TBC1D4: variants seen among roughly 807,000 people sequenced by gnomAD.
TBC1D4 encodes the protein TBC1 domain family member 4.
In TBC1D4, 121 loss-of-function variants were observed where a neutral mutation model predicts 142.5. That is an observed-to-expected ratio of 0.85 (90% CI 0.73 to 0.99). The LOEUF (loss-of-function observed/expected upper bound fraction) is 0.99, where lower values mean the gene tolerates loss of function less well. Among genes scored for constraint, TBC1D4 ranks in the 50% least tolerant of loss-of-function variants. The pLI is 0.00. For missense variants in TBC1D4, 1,475 were observed against 1,606.6 expected, an observed-to-expected ratio of 0.92 and a Z score of 1.40; for synonymous variants, 630 against 628.2, an observed-to-expected ratio of 1.00 and a Z score of -0.04.
chr13:75,470,769 T>C (rs1240071495), intron 1 of TBC1D4, among the ~76,000 whole-genome samples: 2 of 152,144 alleles, frequency 1.3e-5, no homozygotes, highest in Non-Finnish European at 2.9e-5. Context: ...GTGGATCACC[T>C]GAGGTCAGGA....
chr13:75,290,560 T>A (rs1045807048), intron 19 of TBC1D4, among the ~76,000 whole-genome samples: 1 of 152,058 alleles, frequency 6.6e-6, no homozygotes, highest in Non-Finnish European at 1.5e-5. Context: ...TTCTGAAAAA[T>A]TTATAAACAA....
chr13:75,346,995 C>T (rs910365733), intron 5 of TBC1D4, among the ~76,000 whole-genome samples: 1 of 152,124 alleles, frequency 6.6e-6, no homozygotes, highest in Non-Finnish European at 1.5e-5. Flanking sequence ...TTACAAGTAA[C>T]ACAACATTTT....
At chr13:75,336,821 G>GT (rs1402913237) in intron 8 of TBC1D4, 100 bp downstream of exon 8, 4 of 1,337,940 alleles carry the variant, frequency 3.0e-6, no homozygotes, top group East Asian at 2.4e-5. Flanking sequence ...TTTTTTGTTT[G>GT]TTTTTTGTTT....
chr13:75,369,917 A>G (rs1163095488), intron 1 of TBC1D4, among the ~76,000 whole-genome samples: 1 of 152,210 alleles, frequency 6.6e-6, no homozygotes, highest in Non-Finnish European at 1.5e-5. Flanking sequence ...GGAAGAAAAA[A>G]TTAACAAGAG....
intron 1 of TBC1D4, among the ~76,000 whole-genome samples, chr13:75,445,808 G>C (rs1221728864): frequency 6.6e-6 from 1 of 152,184 alleles, no homozygotes; most frequent in Non-Finnish European, 1.5e-5. Context: ...AATATTGCTG[G>C]AAAACACTTT....
chr13:75,361,733 T>A (rs1482496122), intron 2 of TBC1D4, among the ~76,000 whole-genome samples: 1 of 152,080 alleles, frequency 6.6e-6, no homozygotes, highest in Admixed American at 6.5e-5. Context: ...AAATGCTGGT[T>A]ATAGATTCTT....
At chr13:75,468,769 T>C (rs1220266086) in intron 1 of TBC1D4, among the ~76,000 whole-genome samples, 1 of 152,184 alleles carries the variant, frequency 6.6e-6, no homozygotes, top group Non-Finnish European at 1.5e-5. Flanking sequence ...TCTGCTCCTG[T>C]GGACTTAAAT....
At chr13:75,337,062 C>T (rs1170202145) in intron 7 of TBC1D4, 22 bp from the exon 8 acceptor site, 7 of 1,606,578 alleles carry the variant, frequency 4.4e-6, no homozygotes, top group East Asian at 2.2e-5. Context: ...AAAACAGATA[C>T]ATTTTAGTTT....
intron 1 of TBC1D4, among the ~76,000 whole-genome samples, chr13:75,435,940 C>A (rs1335665878): frequency 6.6e-6 from 1 of 152,086 alleles, no homozygotes; most frequent in South Asian, 2.1e-4. Context: ...AACAAACAGA[C>A]AAGAAAAGAA....
chr13:75,432,921 G>T (rs1200925790), intron 1 of TBC1D4, among the ~76,000 whole-genome samples: 1 of 145,696 alleles, frequency 6.9e-6, no homozygotes, highest in Non-Finnish European at 1.5e-5. Context: ...TAGCCTGGGC[G>T]ACAGACCGAG....
intron 1 of TBC1D4, among the ~76,000 whole-genome samples, chr13:75,384,427 T>C (rs1884053178): frequency 6.6e-6 from 1 of 152,092 alleles, no homozygotes; most frequent in Non-Finnish European, 1.5e-5. Context: ...CGAGACTCCA[T>C]CTCAAAAACC....
At chr13:75,389,126 A>T (rs1046754859) in intron 1 of TBC1D4, among the ~76,000 whole-genome samples, 4 of 152,222 alleles carry the variant, frequency 2.6e-5, no homozygotes, top group African/African-American at 9.6e-5. Context: ...CTGGGTTCAA[A>T]TTTTTTGCAT....
At chr13:75,356,669 C>G (rs913190303) in intron 3 of TBC1D4, among the ~76,000 whole-genome samples, 8 of 152,130 alleles carry the variant, frequency 5.3e-5, no homozygotes, top group African/African-American at 1.9e-4. Context: ...TGACAATACT[C>G]AAATTAACTG....
intron 1 of TBC1D4, among the ~76,000 whole-genome samples, chr13:75,445,657 G>T (rs1445276480): frequency 1.3e-5 from 2 of 152,060 alleles, no homozygotes; most frequent in Non-Finnish European, 2.9e-5. Flanking sequence ...TAAAAGGAAA[G>T]AAAAAAATTC....
chr13:75,320,111 C>T (rs1229184832), intron 11 of TBC1D4, 74 bp from the exon 12 acceptor site: 1 of 1,518,874 alleles, frequency 6.6e-7, no homozygotes, highest in African/African-American at 1.4e-5. Context: ...GGATAAAAGG[C>T]ATTCCAATAA....
intron 14 of TBC1D4, 144 bp from the exon 15 acceptor site, chr13:75,306,615 T>C (rs1454258533): frequency 1.5e-5 from 14 of 940,294 alleles, no homozygotes; most frequent in Non-Finnish European, 2.0e-5. Context: ...TAAAACAAAT[T>C]GAGGATACAT....
intron 13 of TBC1D4, 88 bp from the exon 14 acceptor site, chr13:75,310,239 T>C (rs1481460891): frequency 6.0e-6 from 8 of 1,334,174 alleles, no homozygotes; most frequent in Admixed American, 4.0e-5. Context: ...CATCTGATCT[T>C]CTACACTTAA....
Position 75,294,851 on chromosome 13 carries a change from T to TACCAAA in TBC1D4, c.3313_3316+2dup. The TACCAAA allele has an allele frequency of 6.2e-7, 1 of 1,613,650 alleles. No individual in the cohort carries two copies. Among genetic ancestry groups the TACCAAA allele is most frequent in the Non-Finnish European group, 8.5e-7 (1 of 1,179,658 alleles). ...GTTCCATTTAATTACAGGTATCTCT[T>TACCAAA]ACCAAAAACTCTGGCTACAAATCCT... is the stretch of plus-strand genomic sequence containing the variant. On this transcript the variant is annotated splice_region_variant and intron_variant, in intron 18 of 20. Transcript: ENST00000377636.
At chr13:75,327,688 T>C in intron 9 of TBC1D4, 64 bp downstream of exon 9, 2 of 1,442,978 alleles carry the variant, frequency 1.4e-6, no homozygotes, top group Non-Finnish European at 2.0e-6. Context: ...GGAGCATGCA[T>C]ATTACCATAT....
Sources: gnomAD v4.1 joint callset for allele counts (sites outside exome capture counted in the v4.1 genomes callset) on GRCh38, gnomAD v4.1.1 for gene constraint, MANE v1.5 for transcripts, NCBI Gene and HGNC (gene_info 2026-07-23, HGNC 2026-07-21) for gene names.